Variants in PDZD8 observed in about 807,000 individuals in gnomAD.
The protein encoded by PDZD8 is PDZ domain-containing protein 8.
PDZD8 carries 14 observed loss-of-function variants against 85.8 expected under a neutral mutation model. The observed-to-expected ratio is 0.16, with a 90% CI of 0.11 to 0.26. The LOEUF is 0.26. Ranked by LOEUF, PDZD8 falls within the 10% of genes least tolerant of loss-of-function variation. PDZD8 has a pLI of 1.00. For missense variants in PDZD8, 1,197 were observed against 1,424.3 expected (o/e 0.84, Z 2.57); for synonymous variants, 592 against 568.6 (o/e 1.04, Z -0.59).
At chr10:117,294,344 A>G (rs1451208812) in intron 3 of PDZD8, among the ~76,000 whole-genome samples, 1 of 135,834 alleles carries the variant, frequency 7.4e-6, no homozygotes, top group East Asian at 1.9e-4. Flanking sequence ...AAAAAAAAAA[A>G]ACAAAAAAAC....
At chr10:117,359,343 G>T (rs749692997) in intron 1 of PDZD8, among the ~76,000 whole-genome samples, 13 of 152,146 alleles carry the variant, frequency 8.5e-5, no homozygotes, top group Non-Finnish European at 1.2e-4. Flanking sequence ...TTGAGCCCAG[G>T]CAGTTGAGGT....
rs573504856 is a variant in PDZD8, at chr10:117,373,528, C to G, written c.872+828G>C. Among the ~76,000 whole-genome samples, 18 of 146,014 alleles carry G rather than the reference C, an allele frequency of 1.2e-4. No individual in the cohort carries two copies. In the South Asian group the frequency reaches 3.8e-3, roughly 31 times the overall value. ...ATCCTAACACTTTGGGAGGCCGAGG[C>G]AGGCGGATTACTTGAGGTCAGGAGT... On this transcript the variant is annotated intron_variant, in intron 1 of 4. Transcript: ENST00000334464.
intron 2 of PDZD8, among the ~76,000 whole-genome samples, chr10:117,335,916 T>C (rs747214430): frequency 3.3e-5 from 5 of 152,158 alleles, no homozygotes; most frequent in Admixed American, 2.0e-4. Flanking sequence ...GAAGTAAGAA[T>C]TGGAGGAAGA....
At chr10:117,333,115 C>A (rs1844450196) in intron 2 of PDZD8, among the ~76,000 whole-genome samples, 2 of 5,288 alleles carry the variant, frequency 3.8e-4, no homozygotes, top group Non-Finnish European at 1.5e-3. Context: ...TGGACTCTGT[C>A]TCAAAAAAAA....
At chr10:117,337,419 C>G (rs1004135161) in intron 2 of PDZD8, among the ~76,000 whole-genome samples, 10 of 152,082 alleles carry the variant, frequency 6.6e-5, no homozygotes, top group African/African-American at 2.4e-4. Flanking sequence ...AAAAAACATG[C>G]AATTGTTCAG....
At chr10:117,352,278 T>C (rs1170051441) in intron 1 of PDZD8, among the ~76,000 whole-genome samples, 1 of 152,240 alleles carries the variant, frequency 6.6e-6, no homozygotes, top group Non-Finnish European at 1.5e-5. Context: ...AGATCTACTG[T>C]TAACTGCAGT....
rs1373113199 is a variant in PDZD8 at position 117,280,889 on chromosome 10, TC to T, written c.*2378del. On this transcript the variant is annotated 3_prime_UTR_variant, in exon 5 of 5. Transcript: ENST00000334464. ...AACATGCTTGGGTATCATGAAAACT[TC>T]CATGGTTTAATCAATAAACACCAGC... 2.0e-5 allele frequency: 3 copies of T among 152,196 alleles called. No homozygotes were observed. The highest frequency in any genetic ancestry group is 4.4e-5 in the Non-Finnish European group (3 of 68,036). 9.4% of individuals were successfully genotyped at this position (152,196 alleles called of 1,614,324 possible).
chr10:117,356,852 A>G (rs75703943), intron 1 of PDZD8, among the ~76,000 whole-genome samples: 5,942 of 152,250 alleles, frequency 0.039, 166 homozygotes, highest in South Asian at 0.081. Context: ...GGCCTCCTCA[A>G]AGGCTTTGGA....
chr10:117,368,851 GTTTTTTTTTTTTT>G (rs3034161), intron 1 of PDZD8, among the ~76,000 whole-genome samples: 2 of 99,070 alleles, frequency 2.0e-5, no homozygotes, highest in Non-Finnish European at 4.2e-5. Flanking sequence ...TATTGACAAT[GTTTTTTTTTTTTT>G]TTTTTTTTTT....
intron 2 of PDZD8, among the ~76,000 whole-genome samples, chr10:117,322,696 G>C (rs1844246481): frequency 1.3e-5 from 2 of 151,380 alleles, no homozygotes; most frequent in South Asian, 4.3e-4. Context: ...TGGCTAGGTT[G>C]ATCAGTGGAA....
Position 117,324,232 on chromosome 10 carries a change from A to AAAGAC in PDZD8, c.996-5263_996-5259dup, listed in dbSNP as rs1554854095. On this transcript the variant is annotated intron_variant, in intron 2 of 4. Coordinates refer to ENST00000334464, the MANE Select transcript of PDZD8 (RefSeq NM_173791.5). ...TCAAAAAAAAAAAAAAAAAAAAAAA[A>AAAGAC]AAGACAAGAGGCTACAGGACTGAGC... is the stretch of plus-strand genomic sequence containing the variant. Among the ~76,000 whole-genome samples the AAAGAC allele has an allele frequency of 2.1e-3, 303 of 146,190 alleles. 11 individuals carry two copies. The highest frequency in any genetic ancestry group is 7.8e-3 in the African/African-American group (291 of 37,296).
chr10:117,358,257 T>TA (rs1399858516), intron 1 of PDZD8, among the ~76,000 whole-genome samples: 1 of 152,172 alleles, frequency 6.6e-6, no homozygotes, highest in Non-Finnish European at 1.5e-5. Context: ...CATTTATAAG[T>TA]GAAATATCAC....
chr10:117,289,729 C>T (rs1844723240), intron 4 of PDZD8, among the ~76,000 whole-genome samples: 1 of 152,162 alleles, frequency 6.6e-6, no homozygotes, highest in African/African-American at 2.4e-5. Context: ...TTCAGATGTG[C>T]CCTCCTGGAA....
At chr10:117,318,728 A>G (rs1416050130) in intron 3 of PDZD8, 144 bp downstream of exon 3, 2 of 572,618 alleles carry the variant, frequency 3.5e-6, no homozygotes, top group Non-Finnish European at 6.0e-6. Flanking sequence ...CTGTAGTTGT[A>G]TTGTAACGAG....
intron 3 of PDZD8, among the ~76,000 whole-genome samples, chr10:117,303,987 T>C (rs1255420938): frequency 6.6e-6 from 1 of 152,200 alleles, no homozygotes; most frequent in African/African-American, 2.4e-5. Context: ...ACAGAGTCTC[T>C]ACCAGGGCAC....
chr10:117,339,259 T>C (rs1382609313), intron 2 of PDZD8, among the ~76,000 whole-genome samples: 1 of 152,128 alleles, frequency 6.6e-6, no homozygotes, highest in Non-Finnish European at 1.5e-5. Flanking sequence ...TTAATTGTAT[T>C]ATGGGTTGGA....
chr10:117,342,632 T>C (rs1001178663), intron 1 of PDZD8, among the ~76,000 whole-genome samples: 4 of 152,048 alleles, frequency 2.6e-5, no homozygotes. Flanking sequence ...CATGCACCAC[T>C]ATACCTGGAT....
chr10:117,333,648 C>T (rs941537559), intron 2 of PDZD8, among the ~76,000 whole-genome samples: 1 of 152,166 alleles, frequency 6.6e-6, no homozygotes, highest in Non-Finnish European at 1.5e-5. Context: ...GTTATAACTA[C>T]TAAAATAGCT....
intron 1 of PDZD8, among the ~76,000 whole-genome samples, chr10:117,353,213 C>T (rs1844836309): frequency 6.6e-6 from 1 of 152,030 alleles, no homozygotes; most frequent in African/African-American, 2.4e-5. Context: ...ACTATTTTGT[C>T]TAGGTTATGA....
Sources: gnomAD v4.1 joint callset for allele counts (sites outside exome capture counted in the v4.1 genomes callset) on GRCh38, gnomAD v4.1.1 for gene constraint, MANE v1.5 for transcripts, NCBI Gene and HGNC (gene_info 2026-07-23, HGNC 2026-07-21) for gene names.